GATB: variants seen among roughly 807,000 people sequenced by gnomAD.
GATB encodes the protein glutamyl-tRNA amidotransferase subunit B.
In GATB, 39 loss-of-function variants were observed where a neutral mutation model predicts 62.3. The observed-to-expected ratio is 0.63, with a 90% CI of 0.48 to 0.82. The LOEUF is 0.82. Ranked by LOEUF, GATB falls within the 40% of genes least tolerant of loss-of-function variation. The pLI is 0.00. For synonymous variants in GATB, 276 were observed against 258.9 expected (o/e 1.07, Z -0.63); for missense variants, 670 against 684.0 (o/e 0.98, Z 0.23).
intron 2 of GATB, among the ~76,000 whole-genome samples, chr4:151,726,421 A>C (rs1187158737): frequency 6.6e-6 from 1 of 152,228 alleles, no homozygotes; most frequent in African/African-American, 2.4e-5. Context: ...CTGGTCAGTT[A>C]ATTTTTTAAA....
At chr4:151,755,883 T>G (rs759818243) in intron 2 of GATB, among the ~76,000 whole-genome samples, 4 of 152,216 alleles carry the variant, frequency 2.6e-5, no homozygotes, top group Non-Finnish European at 5.9e-5. Context: ...AACTGCTGAA[T>G]TTAAGATGTT....
intron 2 of GATB, among the ~76,000 whole-genome samples, chr4:151,725,612 T>C (rs1347034029): frequency 6.6e-6 from 1 of 152,252 alleles, no homozygotes; most frequent in Non-Finnish European, 1.5e-5. Flanking sequence ...TGAACTCAAC[T>C]GTAAATCTAC....
intron 12 of GATB, among the ~76,000 whole-genome samples, chr4:151,672,349 C>T (rs1166729476): frequency 6.6e-6 from 1 of 152,172 alleles, no homozygotes; most frequent in Non-Finnish European, 1.5e-5. Context: ...GCTGAAGTTC[C>T]TGTACTCTCC....
chr4:151,672,431 C>T (rs573846132), intron 12 of GATB, among the ~76,000 whole-genome samples: 48 of 152,254 alleles, frequency 3.2e-4, no homozygotes, highest in African/African-American at 1.1e-3. Context: ...ACAACAGATT[C>T]GAAATGCCAA....
At chr4:151,758,119 G>A (rs1739874095) in intron 2 of GATB, among the ~76,000 whole-genome samples, 1 of 152,052 alleles carries the variant, frequency 6.6e-6, no homozygotes, top group Admixed American at 6.5e-5. Flanking sequence ...TGCATATTAT[G>A]GCTGTTTTCT....
intron 12 of GATB, 120 bp downstream of exon 12, chr4:151,672,642 G>A (rs1737898339): frequency 9.9e-7 from 1 of 1,006,780 alleles, no homozygotes; most frequent in Non-Finnish European, 1.5e-6. Context: ...GGGAATTATT[G>A]ATGAAACTGG....
At chr4:151,695,732 C>A (rs530688665) in intron 9 of GATB, among the ~76,000 whole-genome samples, 1 of 152,022 alleles carries the variant, frequency 6.6e-6, no homozygotes, top group Non-Finnish European at 1.5e-5. Flanking sequence ...CTCTGCCCTA[C>A]GTGGAGACAC....
intron 11 of GATB, among the ~76,000 whole-genome samples, chr4:151,678,200 G>A (rs1738050743): frequency 1.3e-5 from 2 of 152,134 alleles, no homozygotes. Context: ...TTGTATTTTC[G>A]CTTGACTGCC....
chr4:151,673,787 G>C (rs902358378), intron 11 of GATB: 6 of 152,174 alleles, frequency 3.9e-5, no homozygotes, highest in African/African-American at 1.4e-4. Flanking sequence ...GGCTTCCTCT[G>C]TTGGTCTCCC....
At chr4:151,692,541 C>T (rs559770007) in intron 9 of GATB, among the ~76,000 whole-genome samples, 1 of 152,340 alleles carries the variant, frequency 6.6e-6, no homozygotes, top group Admixed American at 6.5e-5. Flanking sequence ...ACCTAGGCCA[C>T]GTGGCATTCA....
chr4:151,752,955 C>G (rs529046908), intron 2 of GATB, among the ~76,000 whole-genome samples: 1 of 152,270 alleles, frequency 6.6e-6, no homozygotes, highest in East Asian at 1.9e-4. Context: ...AATTGAGAGA[C>G]ATCCCACCAT....
chr4:151,729,143 T>C (rs917523373), intron 2 of GATB, among the ~76,000 whole-genome samples: 7 of 152,182 alleles, frequency 4.6e-5, no homozygotes, highest in African/African-American at 1.7e-4. Flanking sequence ...CATAAAATCA[T>C]GGAGGTTCGT....
At chr4:151,709,431 T>C (rs1738775671) in intron 5 of GATB, among the ~76,000 whole-genome samples, 1 of 152,166 alleles carries the variant, frequency 6.6e-6, no homozygotes, top group South Asian at 2.1e-4. Context: ...AACCCCTGAT[T>C]TTTAATCCCT....
At chr4:151,740,907 CTG>C in intron 2 of GATB, among the ~76,000 whole-genome samples, 1 of 152,096 alleles carries the variant, frequency 6.6e-6, no homozygotes, top group Non-Finnish European at 1.5e-5. Context: ...TCACAGAACA[CTG>C]TTAGGTTTTT....
At chr4:151,725,716 A>T (rs1490484530) in intron 2 of GATB, among the ~76,000 whole-genome samples, 2 of 152,278 alleles carry the variant, frequency 1.3e-5, no homozygotes, top group African/African-American at 2.4e-5. Context: ...CTAGGATTTT[A>T]GTACTTTTAT....
At position 151,746,158 on chromosome 4, in the gene GATB, C is replaced by T. The variant is rs115316653; in HGVS notation, c.327+12614G>A. On this transcript the variant is annotated intron_variant, in intron 2 of 12. Coordinates refer to ENST00000263985, the MANE Select transcript of GATB (RefSeq NM_004564.3). The stretch of plus-strand genomic sequence containing the variant: ...CTTTCCCCTGCGTGGGAACTGACAC[C>T]AGGAGAGGGCAAGCATTTCCGATGA... 3.3e-3 allele frequency among the ~76,000 whole-genome samples: 503 copies of T among 152,312 alleles called. 5 individuals are homozygous for T. Among genetic ancestry groups the T allele is most frequent in the African/African-American group, 0.011 (450 of 41,558 alleles).
intron 10 of GATB, among the ~76,000 whole-genome samples, chr4:151,687,336 C>T (rs547487436): frequency 2.0e-5 from 3 of 152,310 alleles, no homozygotes; most frequent in East Asian, 1.9e-4. Flanking sequence ...CCCTCACCCC[C>T]GGCCTATAAA....
At chr4:151,692,116 C>T (rs1351376516) in intron 9 of GATB, among the ~76,000 whole-genome samples, 4 of 152,216 alleles carry the variant, frequency 2.6e-5, no homozygotes, top group Non-Finnish European at 5.9e-5. Flanking sequence ...TACGCACTCT[C>T]TCCACATTAC....
chr4:151,746,786 C>G (rs1182372558), intron 2 of GATB, among the ~76,000 whole-genome samples: 1 of 152,160 alleles, frequency 6.6e-6, no homozygotes, highest in African/African-American at 2.4e-5. Flanking sequence ...AGCAGGTGTG[C>G]TCCAGACATG....
Sources: gnomAD v4.1 joint callset for allele counts (sites outside exome capture counted in the v4.1 genomes callset) on GRCh38, gnomAD v4.1.1 for gene constraint, MANE v1.5 for transcripts, NCBI Gene and HGNC (gene_info 2026-07-23, HGNC 2026-07-21) for gene names.